Variants in SVIL observed in about 807,000 individuals in gnomAD.
The protein encoded by SVIL is supervillin.
SVIL carries 101 observed loss-of-function variants against 240.4 expected under a neutral mutation model. That is an observed-to-expected ratio of 0.42 (90% confidence interval 0.36 to 0.50). SVIL has a LOEUF of 0.50. Among genes scored for constraint, SVIL ranks in the 20% least tolerant of loss-of-function variants. SVIL has a pLI of 0.01. For missense variants in SVIL, 2,512 were observed against 2,818.7 expected (o/e 0.89, Z 2.46); for synonymous variants, 999 against 1,100.0 (o/e 0.91, Z 1.82).
intron 1 of SVIL, among the ~76,000 whole-genome samples, chr10:29,576,670 G>A (rs1955710055): frequency 6.6e-6 from 1 of 152,120 alleles, no homozygotes; most frequent in Non-Finnish European, 1.5e-5. Flanking sequence ...TCATCCTCCT[G>A]AGTCTCCAGA....
chr10:29,463,570 T>C lies in SVIL; in HGVS notation c.6199A>G (p.Lys2067Glu). The C allele has an allele frequency of 1.2e-6, 2 of 1,614,178 alleles. No homozygotes were observed. The highest frequency in any genetic ancestry group is 2.2e-5 in the South Asian group (2 of 91,080). The change falls in exon 35 of 38, where the codon AAG (lysine) becomes GAG (glutamate). Residue 2067 changes from lysine (K) to glutamate (E), a missense_variant. By Grantham distance (56) the Lys-to-Glu change is moderately conservative. Transcript: ENST00000355867. ...LWQGWWPIEN[K>E]ITGSARIRWA... ...CGGATGCGGGCGGAACCAGTGATCT[T>C]GTTCTCGATGGGCCACCAGCCTTGC... is the stretch of plus-strand genomic sequence containing the variant.
rs187528293 is a variant in SVIL at position 29,596,102 on chromosome 10, C to T, written c.-200-26790G>A. ...AGCACCACACACCCCTTCTCCTTCA[C>T]GAGGATTCCTTCTTCAGGGAGAGCT... On this transcript the variant is annotated intron_variant, in intron 1 of 37. Coordinates refer to ENST00000355867, the MANE Select transcript of SVIL (RefSeq NM_021738.3). Among the ~76,000 whole-genome samples, 912 of 152,338 alleles carry T rather than the reference C, an allele frequency of 6.0e-3. 19 individuals carry two copies. The South Asian group carries it at 0.088, about 15-fold the overall frequency.
chr10:29,522,956 T>C (rs1246317902), intron 15 of SVIL, among the ~76,000 whole-genome samples: 6 of 152,218 alleles, frequency 3.9e-5, no homozygotes, highest in Non-Finnish European at 7.3e-5. Context: ...TGTGCTATAC[T>C]CACAAACGCA....
chr10:29,486,133 G>C lies in SVIL; in HGVS notation c.4731C>G (p.Asp1577Glu), dbSNP rs145177906. ...ACTTCGGAATTTTCCCCCAGTAGTC[G>C]TCATCAGGAACAAGTTTGTCATCCA... is the stretch of plus-strand genomic sequence containing the variant. ...RLMDDKLVPDDDYWGKIPKCS... is the reference protein window; with the variant it reads ...RLMDDKLVPDEDYWGKIPKCS... The change falls in exon 26 of 38, where the codon GAC (aspartate) becomes GAG (glutamate). Residue 1577 changes from aspartate to glutamate, a missense_variant. Coordinates refer to ENST00000355867, the MANE Select transcript of SVIL (RefSeq NM_021738.3). 1 of 1,614,194 alleles carries C rather than the reference G, an allele frequency of 6.2e-7. No individual in the cohort carries two copies. The highest frequency in any genetic ancestry group is 8.5e-7 in the Non-Finnish European group (1 of 1,180,032).
chr10:29,567,119 C>T (rs1265379869), intron 2 of SVIL, among the ~76,000 whole-genome samples: 1 of 152,016 alleles, frequency 6.6e-6, no homozygotes, highest in Admixed American at 6.6e-5. Context: ...TTGTTTGTGC[C>T]GCCACCCCCC....
At chr10:29,569,975 C>A (rs1955307364) in intron 1 of SVIL, among the ~76,000 whole-genome samples, 1 of 152,216 alleles carries the variant, frequency 6.6e-6, no homozygotes, top group South Asian at 2.1e-4. Context: ...GGCATGTAAT[C>A]TGTTTTACAG....
At chr10:29,539,165 T>TAATA (rs71020796) in intron 6 of SVIL, among the ~76,000 whole-genome samples, 21,854 of 149,092 alleles carry the variant, frequency 0.15, 1,736 homozygotes, top group Admixed American at 0.23. Flanking sequence ...ACTCGGCCTC[T>TAATA]AATAAATAAA....
chr10:29,553,118 C>CTTTT (rs4018662), intron 5 of SVIL, among the ~76,000 whole-genome samples: 75 of 135,560 alleles, frequency 5.5e-4, no homozygotes, highest in Admixed American at 8.3e-4. Context: ...CAAGCCCAGC[C>CTTTT]TTTTTTTTTT....
chr10:29,508,599 C>G, intron 17 of SVIL: 1 of 357,138 alleles, frequency 2.8e-6, no homozygotes, highest in African/African-American at 2.1e-5. Flanking sequence ...CTCAGCCTTT[C>G]TCTCCCTCCC....
intron 21 of SVIL, 145 bp from the exon 22 acceptor site, chr10:29,491,164 G>T (rs1443314976): frequency 1.1e-6 from 1 of 948,944 alleles, no homozygotes; most frequent in African/African-American, 1.7e-5. Context: ...CTGACATGGA[G>T]TCGTAGAATC....
chr10:29,626,818 A>G lies in SVIL; in HGVS notation c.-201+7602T>C, dbSNP rs1040734867. The stretch of plus-strand genomic sequence containing the variant: ...GGCGGGTGGATCACGAGGTCAGGAG[A>G]TCAAGACCATCCTGGCTAATACGGT... On this transcript the variant is annotated intron_variant, in intron 1 of 37. Coordinates refer to ENST00000355867, the MANE Select transcript of SVIL (RefSeq NM_021738.3). Among the ~76,000 whole-genome samples, 4 of 152,140 alleles carry G rather than the reference A, an allele frequency of 2.6e-5. No individual in the cohort carries two copies. In the East Asian group the frequency reaches 7.8e-4, roughly 30 times the overall value.
chr10:29,688,366 C>T (rs1475991686), intron 1 of SVIL, among the ~76,000 whole-genome samples: 2 of 152,158 alleles, frequency 1.3e-5, no homozygotes, highest in Non-Finnish European at 2.9e-5. Context: ...ATCAGATGCT[C>T]CCTAGAGTGT....
chr10:29,569,149 A>G (rs1394757445), intron 2 of SVIL, 106 bp downstream of exon 2: 2 of 426,166 alleles, frequency 4.7e-6, no homozygotes, highest in Non-Finnish European at 3.1e-6. Flanking sequence ...GAGAGAAAAC[A>G]TATTGCCAAA....
Position 29,506,657 on chromosome 10 carries a change from G to GAGGGAGGGGACAGAGGCCTTAC in SVIL, c.3516+6077_3516+6078insGTAAGGCCTCTGTCCCCTCCCT, listed in dbSNP as rs1564534794. Among the ~76,000 whole-genome samples the GAGGGAGGGGACAGAGGCCTTAC allele has an allele frequency of 1.4e-3, 129 of 90,900 alleles. 3 individuals are homozygous for GAGGGAGGGGACAGAGGCCTTAC. Among genetic ancestry groups the GAGGGAGGGGACAGAGGCCTTAC allele is most frequent in the African/African-American group, 4.5e-3 (120 of 26,636 alleles). 59.6% of individuals were successfully genotyped at this position (90,900 alleles called of 152,430 possible). On this transcript the variant is annotated intron_variant, in intron 17 of 37. Transcript: ENST00000355867. ...CCTAGAGGGAGGGGACAGAGGCCCT[G>GAGGGAGGGGACAGAGGCCTTAC]GAGGGAGGGGACAGAGGCCCTATGA... is the stretch of plus-strand genomic sequence containing the variant.
chr10:29,517,133 C>G (rs1203550912), intron 16 of SVIL, among the ~76,000 whole-genome samples: 2 of 152,026 alleles, frequency 1.3e-5, no homozygotes, highest in African/African-American at 2.4e-5. Context: ...AAAGGAGGGC[C>G]AGGCGTGGTG....
chr10:29,482,814 C>G (rs1020659517), intron 27 of SVIL: 2 of 152,338 alleles, frequency 1.3e-5, no homozygotes, highest in African/African-American at 4.8e-5. Context: ...ATAACATGCA[C>G]GATCTCTCAT....
intron 21 of SVIL, 104 bp from the exon 22 acceptor site, chr10:29,491,123 T>C (rs1947912935): frequency 1.5e-6 from 2 of 1,308,932 alleles, no homozygotes; most frequent in African/African-American, 3.0e-5. Flanking sequence ...TTGTTACAAA[T>C]CTTGCAACTC....
intron 1 of SVIL, among the ~76,000 whole-genome samples, chr10:29,721,261 A>C (rs202036936): frequency 4.3e-4 from 43 of 101,110 alleles, no homozygotes; most frequent in African/African-American, 9.3e-4. Context: ...AACAAACAAA[A>C]AAACACCTCA....
At chr10:29,587,507 G>GGCC (rs1956218902) in intron 1 of SVIL, among the ~76,000 whole-genome samples, 2 of 152,204 alleles carry the variant, frequency 1.3e-5, no homozygotes, top group African/African-American at 2.4e-5. Flanking sequence ...ACTCTTCCAA[G>GGCC]GCCGCACTGG....
Sources: allele counts gnomAD v4.1 joint callset (sites outside exome capture counted in the v4.1 genomes callset), GRCh38; gene constraint gnomAD v4.1.1; transcripts MANE v1.5; gene names NCBI Gene and HGNC (gene_info 2026-07-23, HGNC 2026-07-21).